The following CDKAL1 variants were observed in gnomAD, a reference collection of about 807,000 sequenced individuals.
The protein encoded by CDKAL1 is CDKAL1 threonylcarbamoyladenosine tRNA methylthiotransferase.
CDKAL1 carries 32 observed loss-of-function variants against 68.2 expected under a neutral mutation model. That is an observed-to-expected ratio of 0.47 (90% CI 0.35 to 0.63). CDKAL1 has a LOEUF of 0.63. Among genes scored for constraint, CDKAL1 ranks in the 30% least tolerant of loss-of-function variants. CDKAL1 has a pLI of 0.00. For synonymous variants in CDKAL1, 234 were observed against 244.3 expected, an observed-to-expected ratio of 0.96 and a Z score of 0.39; for missense variants, 606 against 696.7, an observed-to-expected ratio of 0.87 and a Z score of 1.47.
chr6:21,165,133 ACCTCTTCACATC>A (rs759358201), intron 13 of CDKAL1, among the ~76,000 whole-genome samples: 1 of 152,158 alleles, frequency 6.6e-6, no homozygotes, highest in Non-Finnish European at 1.5e-5. Flanking sequence ...AACAAAGATG[ACCTCTTCACATC>A]CACTTCCTTA....
At chr6:20,701,107 C>T (rs79620300) in intron 5 of CDKAL1, among the ~76,000 whole-genome samples, 2,279 of 152,184 alleles carry the variant, frequency 0.015, 49 homozygotes, top group African/African-American at 0.052. Context: ...AGCAGTTCTC[C>T]ACCTTAGGAC....
intron 2 of CDKAL1, among the ~76,000 whole-genome samples, chr6:20,540,544 C>G (rs1267214046): frequency 1.3e-5 from 2 of 151,986 alleles, no homozygotes; most frequent in Non-Finnish European, 1.5e-5. Context: ...CAACCTCTGC[C>G]TCCTGGGTTC....
chr6:21,141,929 C>A (rs1487950559), intron 13 of CDKAL1, among the ~76,000 whole-genome samples: 4 of 152,082 alleles, frequency 2.6e-5, no homozygotes, highest in Non-Finnish European at 4.4e-5. Context: ...TCTCTTAAAT[C>A]TTATACTGAA....
At chr6:20,947,326 C>A (rs1277186380) in intron 9 of CDKAL1, among the ~76,000 whole-genome samples, 2 of 152,174 alleles carry the variant, frequency 1.3e-5, no homozygotes, top group East Asian at 3.9e-4. Flanking sequence ...CTCATTGGCT[C>A]ACACCTGTAA....
intron 13 of CDKAL1, among the ~76,000 whole-genome samples, chr6:21,160,877 T>C (rs548770224): frequency 1.3e-5 from 2 of 151,606 alleles, no homozygotes; most frequent in South Asian, 2.1e-4. Context: ...CCCCCCACTC[T>C]CCGATGGGCT....
chr6:21,221,183 A>G (rs778962460), intron 15 of CDKAL1, among the ~76,000 whole-genome samples: 1 of 152,042 alleles, frequency 6.6e-6, no homozygotes, highest in Non-Finnish European at 1.5e-5. Flanking sequence ...TAAAAATAAA[A>G]TGTAATTGTG....
chr6:21,143,137 C>T (rs962740078), intron 13 of CDKAL1, among the ~76,000 whole-genome samples: 1 of 152,214 alleles, frequency 6.6e-6, no homozygotes, highest in African/African-American at 2.4e-5. Flanking sequence ...TAATCCTTCT[C>T]TCTGAATTTG....
At chr6:20,654,223 T>A (rs1768917584) in intron 5 of CDKAL1, among the ~76,000 whole-genome samples, 2 of 152,206 alleles carry the variant, frequency 1.3e-5, no homozygotes, top group Non-Finnish European at 2.9e-5. Flanking sequence ...TTGGGCTTTT[T>A]AAAATAGATC....
intron 11 of CDKAL1, among the ~76,000 whole-genome samples, chr6:21,058,610 T>C (rs1291243958): frequency 1.3e-5 from 2 of 152,218 alleles, no homozygotes; most frequent in African/African-American, 4.8e-5. Context: ...CATAGTGTCA[T>C]TGGTTTTTGT....
At chr6:20,775,181 G>A (rs72832338) in intron 7 of CDKAL1, among the ~76,000 whole-genome samples, 12,369 of 151,936 alleles carry the variant, frequency 0.081, 795 homozygotes, top group East Asian at 0.34. Flanking sequence ...TCTCCTCGGT[G>A]GCCTCATGTC....
At chr6:20,966,944 G>C (rs2150747470) in intron 10 of CDKAL1, among the ~76,000 whole-genome samples, 1 of 152,006 alleles carries the variant, frequency 6.6e-6, no homozygotes, top group East Asian at 1.9e-4. Context: ...CGTTTGTATT[G>C]GTTTATCTGT....
chr6:20,792,678 A>G (rs1284576723), intron 8 of CDKAL1, among the ~76,000 whole-genome samples: 2 of 152,220 alleles, frequency 1.3e-5, no homozygotes, highest in East Asian at 1.9e-4. Context: ...GATATCCTCT[A>G]TCAAGATTGG....
At chr6:20,770,948 T>C (rs1388312185) in intron 7 of CDKAL1, among the ~76,000 whole-genome samples, 1 of 152,176 alleles carries the variant, frequency 6.6e-6, no homozygotes, top group Non-Finnish European at 1.5e-5. Context: ...AGTTGACCAC[T>C]CCCTTGTGGT....
At chr6:21,104,474 T>A (rs1773744406) in intron 12 of CDKAL1, among the ~76,000 whole-genome samples, 1 of 151,838 alleles carries the variant, frequency 6.6e-6, no homozygotes, top group Non-Finnish European at 1.5e-5. Flanking sequence ...GGCCAGATAG[T>A]AAATACTTTA....
intron 9 of CDKAL1, among the ~76,000 whole-genome samples, chr6:20,906,143 G>A (rs1303779032): frequency 2.0e-5 from 3 of 151,924 alleles, no homozygotes; most frequent in Non-Finnish European, 4.4e-5. Context: ...TTAAAAAGGC[G>A]ATTGTTAGTC....
chr6:20,799,069 T>TTTTTTTTTTTTTTG (rs70990069), intron 8 of CDKAL1, among the ~76,000 whole-genome samples: 1 of 140,290 alleles, frequency 7.1e-6, no homozygotes, highest in African/African-American at 2.7e-5. Context: ...TTTTTTTTTT[T>TTTTTTTTTTTTTTG]GAGACGGAGT....
intron 9 of CDKAL1, among the ~76,000 whole-genome samples, chr6:20,873,077 A>G (rs561046476): frequency 1.3e-5 from 2 of 152,306 alleles, no homozygotes; most frequent in East Asian, 3.9e-4. Flanking sequence ...CCAAATTCTT[A>G]TCTGTGGCTC....
At chr6:20,793,794 G>GAT (rs1776000812) in intron 8 of CDKAL1, among the ~76,000 whole-genome samples, 1 of 145,132 alleles carries the variant, frequency 6.9e-6, no homozygotes, top group South Asian at 2.1e-4. Flanking sequence ...AATTCTTTCA[G>GAT]ATATATATTA....
chr6:21,023,850 T>C (rs962724406), intron 11 of CDKAL1, among the ~76,000 whole-genome samples: 9 of 152,320 alleles, frequency 5.9e-5, no homozygotes, highest in African/African-American at 2.2e-4. Context: ...TCATTTTCTA[T>C]TGTGCCATTC....
Sources: gnomAD v4.1 joint callset for allele counts (sites outside exome capture counted in the v4.1 genomes callset) on GRCh38, gnomAD v4.1.1 for gene constraint, MANE v1.5 for transcripts, NCBI Gene and HGNC (gene_info 2026-07-23, HGNC 2026-07-21) for gene names.